The following NDRG4 variants were observed in gnomAD, a reference collection of about 807,000 sequenced individuals.
NDRG4 encodes protein NDRG4.
NDRG4 carries 38 observed loss-of-function variants against 55.8 expected under a neutral mutation model. The observed-to-expected ratio is 0.68, with a 90% CI of 0.53 to 0.89. The LOEUF (loss-of-function observed/expected upper bound fraction) is 0.89, where lower values mean the gene tolerates loss of function less well. Among genes scored for constraint, NDRG4 ranks in the 40% least tolerant of loss-of-function variants. The probability of loss-of-function intolerance (pLI) is 0.00; values close to 1 mark genes in which losing one functional copy is unlikely to be tolerated. For synonymous variants in NDRG4, 190 were observed against 182.7 expected (o/e 1.04, Z -0.32); for missense variants, 455 against 468.6 (o/e 0.97, Z 0.27).
Position 58,509,375 on chromosome 16 carries a change from C to G in NDRG4, c.865+23C>G, listed in dbSNP as rs370242237. 1.1e-5 allele frequency: 17 copies of G among 1,611,458 alleles called. No homozygotes were observed. The African/African-American group carries it at 2.3e-4, about 22-fold the overall frequency. On this transcript the variant is annotated intron_variant, in intron 13 of 14. Coordinates refer to ENST00000570248, the MANE Select transcript of NDRG4 (RefSeq NM_001242835.2). ...ACAGTGAGTACATTTCCACCCCACC[C>G]CACACCACCTAGAGACCGGTGGGCA...
At chr16:58,487,515 G>C (rs1047269381) in intron 1 of NDRG4, among the ~76,000 whole-genome samples, 2 of 151,880 alleles carry the variant, frequency 1.3e-5, no homozygotes, top group African/African-American at 4.8e-5. Context: ...GTGAGACTCC[G>C]TGTAAAAAAA....
chr16:58,500,958 G>T, intron 1 of NDRG4: 5 of 1,227,698 alleles, frequency 4.1e-6, no homozygotes, highest in Non-Finnish European at 4.1e-6. Flanking sequence ...GAGGAACGAG[G>T]AGGGGTTGCC....
rs1210750296 is a variant in NDRG4, at chr16:58,511,591, C to G, written c.*15C>G. Reference sequence around the variant, plus strand: ...TGTCCTGTTGAAGCCCTTGATCCCGCTGACGACGCCCACGTCGAGGCCCCA... The same window carrying G: ...TGTCCTGTTGAAGCCCTTGATCCCGGTGACGACGCCCACGTCGAGGCCCCA... On this transcript the variant is annotated 3_prime_UTR_variant, in exon 15 of 15. Coordinates refer to ENST00000570248, the MANE Select transcript of NDRG4 (RefSeq NM_001242835.2). The G allele has an allele frequency of 1.2e-6, 2 of 1,613,064 alleles. No individual in the cohort carries two copies. The highest frequency in any genetic ancestry group is 8.5e-7 in the Non-Finnish European group (1 of 1,179,956).
intron 3 of NDRG4, 32 bp from the exon 4 acceptor site, chr16:58,504,327 A>C (rs567009711): frequency 8.7e-6 from 14 of 1,613,826 alleles, no homozygotes; most frequent in Non-Finnish European, 1.2e-5. Context: ...CTGAGGCCAC[A>C]CCTGGGCCCT....
chr16:58,487,530 A>G (rs1410537452), intron 1 of NDRG4, among the ~76,000 whole-genome samples: 1 of 152,196 alleles, frequency 6.6e-6, no homozygotes, highest in Admixed American at 6.5e-5. Flanking sequence ...AAAAAAAAAA[A>G]AAGAAAAACG....
intron 5 of NDRG4, chr16:58,504,854 C>A: frequency 1.7e-6 from 1 of 591,736 alleles, no homozygotes; most frequent in South Asian, 2.2e-5. Flanking sequence ...GTTCCTTTCT[C>A]CATATAGTTT....
intron 1 of NDRG4, among the ~76,000 whole-genome samples, chr16:58,473,702 G>C (rs1013708975): frequency 1.3e-5 from 2 of 152,094 alleles, no homozygotes; most frequent in African/African-American, 4.8e-5. Context: ...CAGAAGCTGA[G>C]GACTTCAGCC....
At chr16:58,471,727 G>A (rs2032862551) in intron 1 of NDRG4, among the ~76,000 whole-genome samples, 2 of 152,146 alleles carry the variant, frequency 1.3e-5, no homozygotes, top group Non-Finnish European at 2.9e-5. Context: ...TGGGGACCTA[G>A]ATGCTGCTTC....
At chr16:58,486,700 TACACACACACAC>T (rs56119933) in intron 1 of NDRG4, among the ~76,000 whole-genome samples, 7,822 of 128,042 alleles carry the variant, frequency 0.061, 300 homozygotes, top group Non-Finnish European at 0.072. Flanking sequence ...CACTGGCTCC[TACACACACACAC>T]ACACACACAC....
upstream of NDRG4, chr16:58,495,375 T>G: frequency 4.8e-6 from 1 of 210,502 alleles, no homozygotes; most frequent in East Asian, 1.0e-4. Context: ...TTTGTTTTTA[T>G]TCCTCCGGGT....
chr16:58,501,045 A>C, intron 1 of NDRG4: 1 of 1,239,032 alleles, frequency 8.1e-7, no homozygotes, highest in Non-Finnish European at 1.0e-6. Context: ...CCCCAGGTGG[A>C]GCCCAGGGCA....
Position 58,509,282 on chromosome 16 carries a change from C to T in NDRG4, c.814-19C>T. The T allele has an allele frequency of 8.1e-6, 13 of 1,614,042 alleles. No individual in the cohort carries two copies. Among genetic ancestry groups the T allele is most frequent in the Non-Finnish European group, 1.1e-5 (13 of 1,179,976 alleles). ...CCTAGGCAGCCAATGAAAGCATGTGCTTGTCCTGCCCTCCGCAGCCAGGGA... is the reference window on the plus strand; with the variant it reads ...CCTAGGCAGCCAATGAAAGCATGTGTTTGTCCTGCCCTCCGCAGCCAGGGA... On this transcript the variant is annotated intron_variant, in intron 12 of 14. Coordinates refer to ENST00000570248, the MANE Select transcript of NDRG4 (RefSeq NM_001242835.2).
chr16:58,493,301 C>T (rs1448579311), intron 2 of NDRG4, among the ~76,000 whole-genome samples: 1 of 152,202 alleles, frequency 6.6e-6, no homozygotes, highest in East Asian at 1.9e-4. Flanking sequence ...CAGAGTCTCA[C>T]TCTATCACGC....
At chr16:58,505,941 C>T (rs1356704884) in intron 5 of NDRG4, 7 of 289,522 alleles carry the variant, frequency 2.4e-5, no homozygotes, top group Admixed American at 5.5e-5. Flanking sequence ...AGGCTGGTCT[C>T]GTATGCCTGA....
In NDRG4 at chr16:58,511,452, G is replaced by A. The variant is rs1285884737; in HGVS notation, c.935G>A (p.Arg312His). ...TCAGCCAGCATGACCCGCCTGGCACGCTCCCGCACTGCATCCCTCACCAGT... is the reference window on the plus strand; with the variant it reads ...TCAGCCAGCATGACCCGCCTGGCACACTCCCGCACTGCATCCCTCACCAGT... ...VPSASMTRLA[R>H]SRTASLTSAS... The change falls in exon 15 of 15, where the codon CGC becomes CAC. Residue 312 changes from arginine to histidine, a missense_variant. Arg to His is a conservative substitution (Grantham distance 29). Transcript: ENST00000570248. 6.2e-7 allele frequency: 1 copy of A among 1,610,204 alleles called. No homozygotes were observed. The highest frequency in any genetic ancestry group is 8.5e-7 in the Non-Finnish European group (1 of 1,178,044).
At chr16:58,501,825 C>T (rs1311567443) in intron 1 of NDRG4, 1 of 368,508 alleles carries the variant, frequency 2.7e-6, no homozygotes, top group South Asian at 1.9e-5. Context: ...TCCTCAGCAG[C>T]AGAGAGCAGA....
intron 7 of NDRG4, 27 bp from the exon 8 acceptor site, chr16:58,506,885 T>C: frequency 3.8e-6 from 6 of 1,599,194 alleles, no homozygotes; most frequent in Non-Finnish European, 4.3e-6. Context: ...CCCCTCTGCA[T>C]GCCTCCATCC....
rs894275017 is a variant in NDRG4, at chr16:58,464,370, G to C, written c.-24+573G>C. ...CGGGTCTCCCGCGCTCCTCTCCCCG[G>C]CTCGGCCGAGCGCGCTGCCCCGACG... On this transcript the variant is annotated intron_variant, in intron 1 of 15. Transcript: ENST00000258187. This position sits in a 1 kb window ranked among gnomAD's most constrained non-coding sequence, Gnocchi z 4.8. 113 of 1,351,102 alleles carry C rather than the reference G, an allele frequency of 8.4e-5. 1 individual carries two copies. Among genetic ancestry groups the C allele is most frequent in the Middle Eastern group, 8.1e-4 (3 of 3,694 alleles). The allele number at this position is 1,351,102 out of a possible 1,614,324, so 83.7% of individuals were successfully genotyped here.
intron 5 of NDRG4, 175 bp from the exon 6 acceptor site, chr16:58,506,212 C>A: frequency 1.5e-6 from 1 of 686,822 alleles, no homozygotes; most frequent in South Asian, 1.5e-5. Flanking sequence ...AATCCAAGAA[C>A]TGTGAAGGGT....
Sources: allele counts gnomAD v4.1 joint callset (sites outside exome capture counted in the v4.1 genomes callset), GRCh38; gene constraint gnomAD v4.1.1; non-coding constraint Gnocchi (gnomAD v3.1); transcripts MANE v1.5; gene names NCBI Gene and HGNC (gene_info 2026-07-23, HGNC 2026-07-21).